Variants in MAGI2 observed in about 807,000 individuals in gnomAD.
The protein encoded by MAGI2 is membrane associated guanylate kinase, WW and PDZ domain containing 2.
Under a neutral mutation model 133.3 loss-of-function variants are expected in MAGI2, and 35 were observed. The ratio of observed to expected loss-of-function variants is 0.26; its 90% confidence interval spans 0.20 to 0.35. MAGI2 has a LOEUF of 0.35. Among genes scored for constraint, MAGI2 ranks in the 10% least tolerant of loss-of-function variants. The pLI is 1.00. For synonymous variants in MAGI2, 729 were observed against 710.6 expected (o/e 1.03, Z -0.41); for missense variants, 1,636 against 1,863.4 (o/e 0.88, Z 2.25).
chr7:78,649,078 G>A (rs1811214735), intron 2 of MAGI2, among the ~76,000 whole-genome samples: 1 of 151,766 alleles, frequency 6.6e-6, no homozygotes, highest in East Asian at 1.9e-4. Flanking sequence ...CATTCTGACT[G>A]GTTGCCATTT....
At chr7:78,682,255 G>A (rs1815754754) in intron 2 of MAGI2, among the ~76,000 whole-genome samples, 2 of 151,958 alleles carry the variant, frequency 1.3e-5, no homozygotes, top group Admixed American at 1.3e-4. Context: ...GAATTTTCTG[G>A]GATACATGTG....
At chr7:79,313,729 A>G (rs1256652308) in intron 1 of MAGI2, among the ~76,000 whole-genome samples, 7 of 152,136 alleles carry the variant, frequency 4.6e-5, no homozygotes, top group African/African-American at 7.2e-5. Flanking sequence ...CCTACTAATA[A>G]GATAAATGTT....
At chr7:78,326,193 A>G (rs925473528) in intron 9 of MAGI2, among the ~76,000 whole-genome samples, 1 of 152,198 alleles carries the variant, frequency 6.6e-6, no homozygotes, top group Non-Finnish European at 1.5e-5. Context: ...GGCTCATAGT[A>G]AATGCTCCAC....
At chr7:78,126,193 G>GGTGTGTGTGTGT (rs3085805) in intron 19 of MAGI2, among the ~76,000 whole-genome samples, 5,441 of 149,038 alleles carry the variant, frequency 0.037, 150 homozygotes, top group African/African-American at 0.063. Flanking sequence ...ATAAATGTCA[G>GGTGTGTGTGTGT]GTGTGTGTGT....
chr7:78,285,434 G>A (rs1392146360), intron 9 of MAGI2, among the ~76,000 whole-genome samples: 1 of 151,938 alleles, frequency 6.6e-6, no homozygotes, highest in East Asian at 1.9e-4. Flanking sequence ...GCTGGTGCTG[G>A]GAATAATAAA....
intron 6 of MAGI2, among the ~76,000 whole-genome samples, chr7:78,454,952 T>C (rs1015925065): frequency 8.5e-5 from 13 of 152,118 alleles, no homozygotes; most frequent in African/African-American, 3.1e-4. Context: ...TTCTAGGGCA[T>C]TGAAACTATA....
chr7:79,400,593 C>T (rs952130783), intron 1 of MAGI2, among the ~76,000 whole-genome samples: 105 of 152,246 alleles, frequency 6.9e-4, no homozygotes, highest in African/African-American at 2.4e-3. Context: ...TATAGCATTC[C>T]TTAACTGATT....
At chr7:79,320,858 C>A (rs948518897) in intron 1 of MAGI2, among the ~76,000 whole-genome samples, 2 of 151,920 alleles carry the variant, frequency 1.3e-5, no homozygotes, top group Non-Finnish European at 1.5e-5. Flanking sequence ...TACTACAGAC[C>A]CAAGGCATTT....
chr7:78,127,301 G>C lies in MAGI2; in HGVS notation c.3319C>G (p.Gln1107Glu). Reference protein sequence around the residue: ...DYRQPPGGDYQQPPPLDYRQP... With the variant: ...DYRQPPGGDYEQPPPLDYRQP... ...CTGTAGTCCAAGGGTGGGGGCTGCTGGTAGTCCCCTCCTGGGGGTTGCCTG... is the reference window on the plus strand; with the variant it reads ...CTGTAGTCCAAGGGTGGGGGCTGCTCGTAGTCCCCTCCTGGGGGTTGCCTG... Residue 1107 changes from glutamine to glutamate, a missense_variant, in exon 19 of 22, where the codon CAG becomes GAG. By Grantham distance (29) the Gln-to-Glu change is conservative (BLOSUM62 2). Transcript: ENST00000354212. 1 of 1,610,956 alleles carries C rather than the reference G, an allele frequency of 6.2e-7. No homozygotes were observed. The highest frequency in any genetic ancestry group is 8.5e-7 in the Non-Finnish European group (1 of 1,178,306).
intron 13 of MAGI2, among the ~76,000 whole-genome samples, chr7:78,179,569 G>T (rs926790157): frequency 1.3e-5 from 2 of 152,118 alleles, no homozygotes; most frequent in Non-Finnish European, 2.9e-5. Context: ...TGAATCAGGC[G>T]CTTAAGTACA....
At chr7:78,759,205 G>C (rs1175844771) in intron 2 of MAGI2, among the ~76,000 whole-genome samples, 1 of 151,802 alleles carries the variant, frequency 6.6e-6, no homozygotes, top group Non-Finnish European at 1.5e-5. Context: ...AAGTCTACCA[G>C]AGTCAGAAAT....
intron 2 of MAGI2, among the ~76,000 whole-genome samples, chr7:78,865,924 A>G (rs1459944757): frequency 1.3e-5 from 2 of 152,148 alleles, no homozygotes; most frequent in East Asian, 3.9e-4. Flanking sequence ...GAGGTGAGAC[A>G]GGGAACAAGC....
chr7:78,591,565 T>A (rs533161431), intron 3 of MAGI2, among the ~76,000 whole-genome samples: 2 of 152,308 alleles, frequency 1.3e-5, no homozygotes, highest in East Asian at 3.9e-4. Context: ...CCACGTAGCC[T>A]CTAGCTAAGG....
At chr7:78,349,147 C>A (rs1291531684) in intron 7 of MAGI2, among the ~76,000 whole-genome samples, 3 of 152,262 alleles carry the variant, frequency 2.0e-5, no homozygotes, top group African/African-American at 7.2e-5. Context: ...AATTTTCATG[C>A]TGATTTCCTT....
At chr7:78,266,390 T>A (rs916106163) in intron 9 of MAGI2, among the ~76,000 whole-genome samples, 3 of 151,752 alleles carry the variant, frequency 2.0e-5, no homozygotes, top group African/African-American at 7.3e-5. Context: ...TTGGTAGAGA[T>A]GGGAGTTTTG....
At chr7:78,817,840 G>A (rs1022561690) in intron 2 of MAGI2, among the ~76,000 whole-genome samples, 1 of 151,840 alleles carries the variant, frequency 6.6e-6, no homozygotes, top group Non-Finnish European at 1.5e-5. Context: ...CTCCCAAGTA[G>A]CTAGGATTAC....
chr7:78,664,466 T>A (rs1241160219), intron 2 of MAGI2, among the ~76,000 whole-genome samples: 3 of 152,054 alleles, frequency 2.0e-5, no homozygotes, highest in Non-Finnish European at 4.4e-5. Context: ...TGATTATGTA[T>A]CTTTTTTTAG....
rs142307072 is a variant in MAGI2 at position 78,621,781 on chromosome 7, A to G, written c.538+5339T>C. On this transcript the variant is annotated intron_variant, in intron 3 of 21. Coordinates refer to ENST00000354212, the MANE Select transcript of MAGI2 (RefSeq NM_012301.4). Reference sequence around the variant, plus strand: ...CTTAAAAGGCTTAAGAGGCAGGACTACAAATCAGGACAATCTATCTGATTT... The same window carrying G: ...CTTAAAAGGCTTAAGAGGCAGGACTGCAAATCAGGACAATCTATCTGATTT... Among the ~76,000 whole-genome samples, 328 of 152,198 alleles carry G rather than the reference A, an allele frequency of 2.2e-3. 1 individual carries two copies. The Middle Eastern group carries it at 0.024, about 11-fold the overall frequency.
chr7:78,582,882 C>T (rs1802991547), intron 3 of MAGI2, among the ~76,000 whole-genome samples: 1 of 152,142 alleles, frequency 6.6e-6, no homozygotes, highest in African/African-American at 2.4e-5. Context: ...TATAGCCCTG[C>T]CATTAACTCA....
Sources: gnomAD v4.1 joint callset for allele counts (sites outside exome capture counted in the v4.1 genomes callset) on GRCh38, gnomAD v4.1.1 for gene constraint, MANE v1.5 for transcripts, NCBI Gene and HGNC (gene_info 2026-07-23, HGNC 2026-07-21) for gene names.